The following COL4A5 variants were observed in gnomAD, a reference collection of about 807,000 sequenced individuals.
COL4A5 encodes collagen alpha-5(IV) chain.
Under a neutral mutation model 130.2 loss-of-function variants are expected in COL4A5, and 26 were observed. The ratio of observed to expected loss-of-function variants is 0.20; its 90% CI spans 0.15 to 0.28. The LOEUF (loss-of-function observed/expected upper bound fraction) is 0.28. Among genes scored for constraint, COL4A5 ranks in the 10% least tolerant of loss-of-function variants. The probability of loss-of-function intolerance (pLI) is 1.00; values close to 1 mark genes in which losing one functional copy is unlikely to be tolerated. For missense variants in COL4A5, 1,131 were observed against 1,344.3 expected (o/e 0.84, Z 2.48); for synonymous variants, 496 against 439.6 (o/e 1.13, Z -1.60).
intron 36 of COL4A5, among the ~76,000 whole-genome samples, chrX:108,629,988 T>C (rs891557202): frequency 2.7e-5 from 3 of 111,813 alleles, no homozygotes; most frequent in Non-Finnish European, 5.6e-5. Flanking sequence ...GGACATGAGC[T>C]CATCTTTTTT....
intron 38 of COL4A5, among the ~76,000 whole-genome samples, chrX:108,666,167 G>C (rs977681369): frequency 9.0e-6 from 1 of 111,398 alleles, no homozygotes; most frequent in East Asian, 2.8e-4. Context: ...AGAATGGCAG[G>C]CTGTAGTAAG....
intron 1 of COL4A5, among the ~76,000 whole-genome samples, chrX:108,456,620 C>G (rs1457578614): frequency 1.8e-5 from 2 of 109,916 alleles, no homozygotes; most frequent in African/African-American, 6.6e-5. Flanking sequence ...TAAAGAATGA[C>G]TTTTTTTTTG....
chrX:108,526,835 A>G (rs1349208635), intron 1 of COL4A5, among the ~76,000 whole-genome samples: 1 of 102,575 alleles, frequency 9.7e-6, no homozygotes, highest in East Asian at 3.0e-4. Context: ...TGGAACAATC[A>G]TGGCTCACTG....
chrX:108,651,083 G>A (rs2067717790), intron 36 of COL4A5, among the ~76,000 whole-genome samples: 1 of 111,590 alleles, frequency 9.0e-6, no homozygotes, highest in Non-Finnish European at 1.9e-5. Context: ...GCACAAAATA[G>A]CCACATATCA....
At chrX:108,566,664 T>G (rs1306056337) in intron 4 of COL4A5, among the ~76,000 whole-genome samples, 1 of 110,602 alleles carries the variant, frequency 9.0e-6, no homozygotes, top group Non-Finnish European at 1.9e-5. Context: ...TTCTCCTGCC[T>G]CAGCCTCCCG....
intron 1 of COL4A5, among the ~76,000 whole-genome samples, chrX:108,512,368 C>T (rs866108135): frequency 4.4e-4 from 49 of 111,361 alleles, no homozygotes; most frequent in African/African-American, 1.6e-3. Flanking sequence ...AATTATCCAC[C>T]TGATTTAGTA....
chrX:108,440,242 G>T, intron 1 of COL4A5, 36 bp downstream of exon 1: 1 of 969,834 alleles, frequency 1.0e-6, no homozygotes, highest in Non-Finnish European at 1.5e-6. Context: ...GCCCATCACC[G>T]CTCTTTCACG....
At chrX:108,680,784 T>C (rs373924856) in intron 45 of COL4A5, 33 bp downstream of exon 45, 48 of 1,184,775 alleles carry the variant, frequency 4.1e-5, no homozygotes, top group South Asian at 3.9e-4. Flanking sequence ...TTTCCCTTTA[T>C]ATTAAACTCC....
At chrX:108,513,242 G>T (rs1054225185) in intron 1 of COL4A5, among the ~76,000 whole-genome samples, 1 of 110,589 alleles carries the variant, frequency 9.0e-6, no homozygotes, top group Non-Finnish European at 1.9e-5. Context: ...AGCTTGCAGT[G>T]AGCCGAGATC....
chrX:108,496,568 T>C (rs2065036835), intron 1 of COL4A5, among the ~76,000 whole-genome samples: 1 of 112,061 alleles, frequency 8.9e-6, no homozygotes, highest in Admixed American at 9.5e-5. Context: ...TGGTTGATAG[T>C]ATTATTCATA....
At chrX:108,644,271 A>G (rs1164877101) in intron 36 of COL4A5, among the ~76,000 whole-genome samples, 1 of 112,045 alleles carries the variant, frequency 8.9e-6, no homozygotes, top group Non-Finnish European at 1.9e-5. Context: ...TGAGATAGAC[A>G]GCAACACAAT....
intron 36 of COL4A5, among the ~76,000 whole-genome samples, chrX:108,647,719 T>C (rs907798513): frequency 1.1e-4 from 12 of 111,906 alleles, no homozygotes; most frequent in African/African-American, 3.2e-4. Context: ...GCTGTGAGTT[T>C]GTCATAGATA....
At chrX:108,570,254 A>G (rs2066042986) in intron 6 of COL4A5, among the ~76,000 whole-genome samples, 1 of 111,829 alleles carries the variant, frequency 8.9e-6, no homozygotes, top group South Asian at 3.7e-4. Context: ...ACCAATGTGG[A>G]GTTGGTTTGC....
At chrX:108,523,265 A>G (rs1392236748) in intron 1 of COL4A5, among the ~76,000 whole-genome samples, 2 of 111,776 alleles carry the variant, frequency 1.8e-5, no homozygotes, top group African/African-American at 6.5e-5. Context: ...GTTAATTTCT[A>G]TGTATAGTGT....
chrX:108,512,801 A>T (rs2065190527), intron 1 of COL4A5, among the ~76,000 whole-genome samples: 1 of 111,659 alleles, frequency 9.0e-6, no homozygotes, highest in Admixed American at 9.5e-5. Flanking sequence ...TTCGGGCACC[A>T]TTGTCATTGA....
At position 108,658,217 on chromosome X, in the gene COL4A5, G is replaced by GT. The variant is rs1416833681; in HGVS notation, c.3373+2766dup. On this transcript the variant is annotated intron_variant, in intron 37 of 52. Transcript: ENST00000328300. Reference sequence around the variant, plus strand: ...TTCTGAATCTACAGAGATGATAATTGTTTTTTCTCCTTTACTCTTGATATA... The same window carrying GT: ...TTCTGAATCTACAGAGATGATAATTGTTTTTTTCTCCTTTACTCTTGATATA... Among the ~76,000 whole-genome samples, 3 of 111,295 alleles carry GT rather than the reference G, an allele frequency of 2.7e-5. No homozygotes were observed. The East Asian group carries it at 8.4e-4, about 31-fold the overall frequency.
intron 36 of COL4A5, chrX:108,626,695 A>T: frequency 1.1e-6 from 1 of 938,080 alleles, no homozygotes; most frequent in Non-Finnish European, 1.3e-6. Flanking sequence ...ATTATTAACT[A>T]ATTTGAAAAG....
chrX:108,533,056 C>A (rs991664668), intron 1 of COL4A5, among the ~76,000 whole-genome samples: 1 of 111,424 alleles, frequency 9.0e-6, no homozygotes, highest in Admixed American at 9.5e-5. Flanking sequence ...GTATATGAAA[C>A]CAAAAAAGAG....
intron 1 of COL4A5, among the ~76,000 whole-genome samples, chrX:108,515,388 GC>G (rs909256533): frequency 1.8e-5 from 2 of 111,817 alleles, no homozygotes; most frequent in African/African-American, 6.5e-5. Context: ...GCAGCAAATT[GC>G]CAGGTTGTTG....
Sources: gnomAD v4.1 joint callset for allele counts (sites outside exome capture counted in the v4.1 genomes callset) on GRCh38, gnomAD v4.1.1 for gene constraint, MANE v1.5 for transcripts, NCBI Gene and HGNC (gene_info 2026-07-23, HGNC 2026-07-21) for gene names.